The following ST6GALNAC5 variants were observed in gnomAD, a reference collection of about 807,000 sequenced individuals.
ST6GALNAC5 encodes the protein alpha-N-acetylgalactosaminide alpha-2,6-sialyltransferase 5.
In ST6GALNAC5, 27 loss-of-function variants were observed where a neutral mutation model predicts 33.6. That is an observed-to-expected ratio of 0.80 (90% CI 0.59 to 1.11). ST6GALNAC5 has a LOEUF of 1.11. ST6GALNAC5 is among the 50% of genes least tolerant of loss of function. ST6GALNAC5 has a pLI of 0.00. For missense variants in ST6GALNAC5, 428 were observed against 454.0 expected (o/e 0.94, Z 0.52); for synonymous variants, 194 against 171.2 (o/e 1.13, Z -1.04).
rs115682181 is a variant in ST6GALNAC5 at position 77,037,257 on chromosome 1, G to A, written c.262-6947G>A. On this transcript the variant is annotated intron_variant, in intron 2 of 4. Coordinates refer to ENST00000477717, the MANE Select transcript of ST6GALNAC5 (RefSeq NM_030965.3). ...TCATGTCCTTTGCAACAACAATATG[G>A]ATACAGCTGGAGGCCATTATCCAAA... is the stretch of plus-strand genomic sequence containing the variant. Among the ~76,000 whole-genome samples, 1,136 of 152,266 alleles carry A rather than the reference G, an allele frequency of 7.5e-3. 5 individuals carry two copies. The highest frequency in any genetic ancestry group is 0.014 in the Middle Eastern group (4 of 294).
chr1:76,870,730 T>C (rs1461999063), intron 2 of ST6GALNAC5, among the ~76,000 whole-genome samples: 1 of 152,184 alleles, frequency 6.6e-6, no homozygotes, highest in Non-Finnish European at 1.5e-5. Context: ...ATAAATATTG[T>C]GTGAAAGTCA....
chr1:77,044,776 C>T (rs984002988), intron 3 of ST6GALNAC5, among the ~76,000 whole-genome samples, 163 bp downstream of exon 3: 2 of 152,014 alleles, frequency 1.3e-5, no homozygotes, highest in African/African-American at 4.8e-5. Flanking sequence ...CTGGGCTGCT[C>T]AAGCTGACTT....
chr1:76,915,810 T>A (rs1264528600), intron 2 of ST6GALNAC5, among the ~76,000 whole-genome samples: 2 of 151,422 alleles, frequency 1.3e-5, no homozygotes, highest in Non-Finnish European at 2.9e-5. Flanking sequence ...AACCTGCACA[T>A]TGTGCACATG....
At chr1:77,053,863 A>G (rs1303444251) in intron 4 of ST6GALNAC5, among the ~76,000 whole-genome samples, 8 of 149,708 alleles carry the variant, frequency 5.3e-5, no homozygotes. Context: ...AGGACATCTC[A>G]TGGGCTGCTC....
chr1:76,881,431 G>T (rs1405540268), intron 2 of ST6GALNAC5, among the ~76,000 whole-genome samples: 2 of 152,154 alleles, frequency 1.3e-5, no homozygotes, highest in East Asian at 3.8e-4. Flanking sequence ...TTATAGCCCA[G>T]GTTTGATCTG....
rs1216347730 is a variant in ST6GALNAC5 at position 77,065,485 on chromosome 1, C to G, written c.*2279C>G. ...GGAAATGTTTTAAATCTACATGTAG[C>G]TAGGATATGTGATTTCATATTTTTT... is the stretch of plus-strand genomic sequence containing the variant. On this transcript the variant is annotated 3_prime_UTR_variant, in exon 5 of 5. Coordinates refer to ENST00000477717, the MANE Select transcript of ST6GALNAC5 (RefSeq NM_030965.3). 1 of 152,130 alleles carries G rather than the reference C, an allele frequency of 6.6e-6. No individual in the cohort carries two copies. Among genetic ancestry groups the G allele is most frequent in the Non-Finnish European group, 1.5e-5 (1 of 68,026 alleles). 9.4% of individuals were successfully genotyped at this position (152,130 alleles called of 1,614,324 possible).
chr1:76,910,291 G>A (rs1215529567), intron 2 of ST6GALNAC5, among the ~76,000 whole-genome samples: 1 of 151,736 alleles, frequency 6.6e-6, no homozygotes, highest in Non-Finnish European at 1.5e-5. Context: ...TATATAATTT[G>A]CGTAAATATA....
chr1:77,060,495 A>G (rs1479717434), intron 4 of ST6GALNAC5, among the ~76,000 whole-genome samples: 1 of 152,170 alleles, frequency 6.6e-6, no homozygotes, highest in Non-Finnish European at 1.5e-5. Flanking sequence ...TGGCAGGCTC[A>G]CAGCTGGGGT....
At chr1:77,002,060 G>T (rs1277108856) in intron 2 of ST6GALNAC5, among the ~76,000 whole-genome samples, 1 of 150,920 alleles carries the variant, frequency 6.6e-6, no homozygotes, top group Admixed American at 6.6e-5. Context: ...GTTTCAGAAG[G>T]AATGGTACCA....
At position 77,044,498 on chromosome 1, in the gene ST6GALNAC5, TACA is replaced by T; in HGVS notation, c.562_564del (p.Asn188del). The T allele has an allele frequency of 1.2e-6, 2 of 1,613,142 alleles. No individual in the cohort carries two copies. The highest frequency in any genetic ancestry group is 2.2e-5 in the South Asian group (2 of 90,972). ...GCGGCGGGACGGCAAGGGCCAGGTC[TACA>T]ACAACCTGCATCTCCTGAGCCAGGT... On this transcript the variant is annotated inframe_deletion, in exon 3 of 5. Coordinates refer to ENST00000477717, the MANE Select transcript of ST6GALNAC5 (RefSeq NM_030965.3).
At chr1:76,882,786 A>G (rs766866884) in intron 2 of ST6GALNAC5, among the ~76,000 whole-genome samples, 11 of 152,070 alleles carry the variant, frequency 7.2e-5, no homozygotes, top group Admixed American at 5.2e-4. Context: ...CGTGTTTCCT[A>G]TGGCTTCCCA....
intron 2 of ST6GALNAC5, among the ~76,000 whole-genome samples, chr1:76,914,353 G>A (rs370876430): frequency 5.9e-5 from 9 of 151,978 alleles, no homozygotes; most frequent in East Asian, 1.9e-4. Context: ...TAAAGTTCAT[G>A]TGGAACCAAA....
chr1:76,911,839 C>A (rs1442813466), intron 2 of ST6GALNAC5, among the ~76,000 whole-genome samples: 1 of 152,052 alleles, frequency 6.6e-6, no homozygotes, highest in East Asian at 1.9e-4. Context: ...GTCTTGCTAG[C>A]GGTCTATCAA....
At chr1:76,867,909 C>T (rs565309980) in intron 1 of ST6GALNAC5, among the ~76,000 whole-genome samples, 1 of 152,260 alleles carries the variant, frequency 6.6e-6, no homozygotes, top group Non-Finnish European at 1.5e-5. Flanking sequence ...GTTGCCTCGC[C>T]TCCTAGATCT....
intron 2 of ST6GALNAC5, among the ~76,000 whole-genome samples, chr1:76,918,394 C>T (rs886731102): frequency 6.6e-6 from 1 of 152,058 alleles, no homozygotes; most frequent in African/African-American, 2.4e-5. Flanking sequence ...CCAAGGCAGG[C>T]GGATCACAAG....
chr1:77,000,155 G>T (rs1252827571), intron 2 of ST6GALNAC5, among the ~76,000 whole-genome samples: 2 of 89,436 alleles, frequency 2.2e-5, no homozygotes, highest in Non-Finnish European at 5.3e-5. Context: ...AGCACCTGTT[G>T]TTTCCTGACT....
chr1:76,901,001 T>TCTCA (rs140877458), intron 2 of ST6GALNAC5, among the ~76,000 whole-genome samples: 2,747 of 152,324 alleles, frequency 0.018, 80 homozygotes, highest in African/African-American at 0.062. Context: ...TCAGTGTAGT[T>TCTCA]CTAAGTAAAT....
intron 2 of ST6GALNAC5, among the ~76,000 whole-genome samples, chr1:76,926,453 G>A (rs1316697921): frequency 6.6e-6 from 1 of 152,004 alleles, no homozygotes; most frequent in Non-Finnish European, 1.5e-5. Flanking sequence ...CTTGCATCTG[G>A]CTCTTTTATT....
chr1:76,999,242 A>G (rs74090575), intron 2 of ST6GALNAC5, among the ~76,000 whole-genome samples: 8,058 of 152,254 alleles, frequency 0.053, 382 homozygotes, highest in African/African-American at 0.13. Flanking sequence ...TAATTAAAAA[A>G]GGGATTTAGG....
Sources: gnomAD v4.1 joint callset for allele counts (sites outside exome capture counted in the v4.1 genomes callset) on GRCh38, gnomAD v4.1.1 for gene constraint, MANE v1.5 for transcripts, NCBI Gene and HGNC (gene_info 2026-07-23, HGNC 2026-07-21) for gene names.